Variants in PACS2 observed in about 807,000 individuals in gnomAD.
PACS2 encodes PACS1-like protein.
Under a neutral mutation model 113.0 loss-of-function variants are expected in PACS2, and 36 were observed. That is an observed-to-expected ratio of 0.32 (90% CI 0.24 to 0.42). PACS2 has a LOEUF of 0.42. Among genes scored for constraint, PACS2 ranks in the 10% least tolerant of loss-of-function variants. The pLI is 1.00. For missense variants in PACS2, 1,015 were observed against 1,239.5 expected (o/e 0.82, Z 2.72); for synonymous variants, 589 against 536.1 (o/e 1.10, Z -1.36).
At chr14:105,385,093 C>T in intron 18 of PACS2, 106 bp downstream of exon 18, 1 of 749,536 alleles carries the variant, frequency 1.3e-6, no homozygotes, top group Non-Finnish European at 2.3e-6. Flanking sequence ...CCGCAGAGCC[C>T]TGCACCGGGC....
Position 105,376,974 on chromosome 14 carries a change from C to T in PACS2, c.959+49C>T, listed in dbSNP as rs73361055. 2.3e-3 allele frequency: 3,495 copies of T among 1,532,472 alleles called. 85 individuals carry two copies. The African/African-American group carries it at 0.043, about 19-fold the overall frequency. 94.9% of individuals were successfully genotyped at this position (1,532,472 alleles called of 1,614,324 possible). A position where few individuals can be genotyped will look rare whatever the true frequency, so the allele number is the denominator to read the frequency against. ...GGAGGAACAGCCATTTCAGATGCCCCGGCCACTCTGCGACCACTCTGGCAG... is the reference window on the plus strand; with the variant it reads ...GGAGGAACAGCCATTTCAGATGCCCTGGCCACTCTGCGACCACTCTGGCAG... On this transcript the variant is annotated intron_variant, in intron 9 of 24. Coordinates refer to ENST00000447393, the MANE Select transcript of PACS2 (RefSeq NM_001100913.3). The surrounding 1 kb of genome is among the most constrained non-coding windows in gnomAD (Gnocchi z 4.7).
intron 17 of PACS2, 51 bp from the exon 18 acceptor site, chr14:105,384,828 G>C: frequency 8.0e-7 from 1 of 1,245,262 alleles, no homozygotes; most frequent in Non-Finnish European, 1.2e-6. Flanking sequence ...AGCCCCGCCT[G>C]CAACCCCACC....
chr14:105,331,583 T>G (rs926313915), intron 1 of PACS2, among the ~76,000 whole-genome samples: 1 of 152,220 alleles, frequency 6.6e-6, no homozygotes, highest in Non-Finnish European at 1.5e-5. Flanking sequence ...GTGCCTGGCC[T>G]GAGTTTTATG....
intron 17 of PACS2, 25 bp from the exon 18 acceptor site, chr14:105,384,854 C>T: frequency 4.1e-6 from 6 of 1,459,006 alleles, no homozygotes; most frequent in Non-Finnish European, 5.7e-6. Context: ...CCAGCCTAAC[C>T]CCCCACCGCC....
chr14:105,332,807 C>T (rs1278465725), intron 1 of PACS2, among the ~76,000 whole-genome samples: 1 of 152,188 alleles, frequency 6.6e-6, no homozygotes, highest in East Asian at 1.9e-4. Flanking sequence ...TTACAGACAC[C>T]TTCCTGAAAC....
At chr14:105,327,190 C>T (rs921875859) in intron 1 of PACS2, among the ~76,000 whole-genome samples, 16 of 152,188 alleles carry the variant, frequency 1.1e-4, no homozygotes, top group Non-Finnish European at 1.9e-4. Flanking sequence ...GCTGGGAGGC[C>T]GGCGTGCCTG....
chr14:105,381,202 A>C, intron 12 of PACS2, 103 bp downstream of exon 12: 1 of 985,318 alleles, frequency 1.0e-6, no homozygotes, highest in Non-Finnish European at 1.5e-6. Flanking sequence ...CATCCTGATG[A>C]GCTCCCTCGG....
Position 105,358,807 on chromosome 14 carries a change from CAG to C in PACS2, c.423+3631_423+3632del, listed in dbSNP as rs1244139139. On this transcript the variant is annotated intron_variant, in intron 4 of 24. Transcript: ENST00000447393. This position sits in a 1 kb window ranked among gnomAD's most constrained non-coding sequence, Gnocchi z 4.9. ...CTCATGGTGGGACACAGGAAGACCT[CAG>C]GGTAAGGACAGCGCGGGAGCGTCAC... Among the ~76,000 whole-genome samples the C allele has an allele frequency of 1.3e-5, 2 of 152,190 alleles. No individual in the cohort carries two copies. The highest frequency in any genetic ancestry group is 4.8e-5 in the African/African-American group (2 of 41,442).
intron 1 of PACS2, among the ~76,000 whole-genome samples, chr14:105,326,331 C>G (rs1176798654): frequency 1.3e-5 from 2 of 152,212 alleles, no homozygotes; most frequent in African/African-American, 4.8e-5. Flanking sequence ...TGAGCTCGCT[C>G]CTGGTCAGTT....
At chr14:105,391,299 C>T in intron 21 of PACS2, 50 bp downstream of exon 21, 3 of 1,399,616 alleles carry the variant, frequency 2.1e-6, no homozygotes, top group South Asian at 1.2e-5. Context: ...GGGTGGGCTG[C>T]AGGAGCACGG....
chr14:105,365,939 C>T lies in PACS2; in HGVS notation c.424-1274C>T, dbSNP rs147742860. 2.1e-4 allele frequency among the ~76,000 whole-genome samples: 32 copies of T among 152,352 alleles called. No individual in the cohort carries two copies. Among genetic ancestry groups the T allele is most frequent in the African/African-American group, 7.5e-4 (31 of 41,576 alleles). On this transcript the variant is annotated intron_variant, in intron 4 of 24. Transcript: ENST00000447393. The surrounding 1 kb of genome is among the most constrained non-coding windows in gnomAD (Gnocchi z 5.1). The stretch of plus-strand genomic sequence containing the variant: ...TGGGTGCGAGTGTTGGCAGAAGCTG[C>T]CAGCTGCCCTTCGTCATTTTCTGAA...
rs2059253286 is a variant in PACS2 at position 105,330,202 on chromosome 14, G to A, written c.119+15165G>A. Among the ~76,000 whole-genome samples the A allele has an allele frequency of 7.3e-6, 1 of 137,032 alleles. No individual in the cohort carries two copies. Among genetic ancestry groups the A allele is most frequent in the African/African-American group, 2.8e-5 (1 of 35,826 alleles). 89.9% of individuals were successfully genotyped at this position (137,032 alleles called of 152,430 possible). ...CGGAACGGGGACAGGGAGCCTCCGA[G>A]AAGCCTGGGGTCCGTGTGTGGGACG... On this transcript the variant is annotated intron_variant, in intron 1 of 24. Coordinates refer to ENST00000447393, the MANE Select transcript of PACS2 (RefSeq NM_001100913.3). The surrounding 1 kb of genome is among the most constrained non-coding windows in gnomAD (Gnocchi z 6.9).
At position 105,323,454 on chromosome 14, in the gene PACS2, CT is replaced by C. The variant is rs1023790893; in HGVS notation, c.119+8418del. Reference sequence around the variant, plus strand: ...GACCGCTGCCAGCCTGCACGAGACTCTCACGGCGGGACCCTGTCTGCCTTGC... The same window carrying C: ...GACCGCTGCCAGCCTGCACGAGACTCCACGGCGGGACCCTGTCTGCCTTGC... On this transcript the variant is annotated intron_variant, in intron 1 of 24. Coordinates refer to ENST00000447393, the MANE Select transcript of PACS2 (RefSeq NM_001100913.3). This position sits in a 1 kb window ranked among gnomAD's most constrained non-coding sequence, Gnocchi z 4.1. Among the ~76,000 whole-genome samples the C allele has an allele frequency of 2.6e-5, 4 of 152,236 alleles. No homozygotes were observed. The highest frequency in any genetic ancestry group is 4.4e-5 in the Non-Finnish European group (3 of 68,042).
At position 105,321,374 on chromosome 14, in the gene PACS2, T is replaced by A. The variant is rs1014325642; in HGVS notation, c.119+6337T>A. Among the ~76,000 whole-genome samples, 9 of 152,258 alleles carry A rather than the reference T, an allele frequency of 5.9e-5. 1 individual carries two copies. The East Asian group carries it at 1.5e-3, about 26-fold the overall frequency. On this transcript the variant is annotated intron_variant, in intron 1 of 24. Transcript: ENST00000447393. ...TGTCAGTTTCTGTTTGATACTTTTT[T>A]TTTTTCCAGACAGGATCTCACTCTG...
Position 105,326,269 on chromosome 14 carries a change from G to T in PACS2, c.119+11232G>T, listed in dbSNP as rs1429477039. Among the ~76,000 whole-genome samples the T allele has an allele frequency of 4.6e-5, 7 of 152,360 alleles. No individual in the cohort carries two copies. In the East Asian group the frequency reaches 1.4e-3, roughly 29 times the overall value. Reference sequence around the variant, plus strand: ...GACCCGCACCTGCTTCCTGGTCCTGGACACGGGTGGGGCGGGGGCTCCGCA... The same window carrying T: ...GACCCGCACCTGCTTCCTGGTCCTGTACACGGGTGGGGCGGGGGCTCCGCA... On this transcript the variant is annotated intron_variant, in intron 1 of 24. Coordinates refer to ENST00000447393, the MANE Select transcript of PACS2 (RefSeq NM_001100913.3).
At chr14:105,338,019 A>G (rs919163200) in intron 1 of PACS2, among the ~76,000 whole-genome samples, 1 of 152,190 alleles carries the variant, frequency 6.6e-6, no homozygotes, top group Non-Finnish European at 1.5e-5. Flanking sequence ...CTGTTGGGCC[A>G]TGCTGTCTCT....
intron 3 of PACS2, among the ~76,000 whole-genome samples, chr14:105,352,688 G>A (rs1477410157): frequency 5.9e-5 from 5 of 84,104 alleles, no homozygotes; most frequent in African/African-American, 9.6e-5. Context: ...GACGGGCCCC[G>A]TCATCCCTGT....
rs1555401416 is a variant in PACS2, at chr14:105,340,806, CTTCT to C, written c.120-7686_120-7683del. ...AGGGGCATCTCCTGTCCTGGCTTGGCTTCTGCCCCTGGGTCCGTGGTGGCTGCCT... is the reference window on the plus strand; with the variant it reads ...AGGGGCATCTCCTGTCCTGGCTTGGCGCCCCTGGGTCCGTGGTGGCTGCCT... On this transcript the variant is annotated intron_variant, in intron 1 of 24. Transcript: ENST00000447393. The surrounding 1 kb of genome is among the most constrained non-coding windows in gnomAD (Gnocchi z 4.2). 1.3e-5 allele frequency among the ~76,000 whole-genome samples: 2 copies of C among 152,252 alleles called. No individual in the cohort carries two copies. Among genetic ancestry groups the C allele is most frequent in the Non-Finnish European group, 1.5e-5 (1 of 68,042 alleles).
At position 105,355,762 on chromosome 14, in the gene PACS2, G is replaced by A. The variant is rs2060418512; in HGVS notation, c.423+585G>A. Among the ~76,000 whole-genome samples the A allele has an allele frequency of 6.6e-6, 1 of 152,238 alleles. No individual in the cohort carries two copies. Among genetic ancestry groups the A allele is most frequent in the Non-Finnish European group, 1.5e-5 (1 of 68,036 alleles). On this transcript the variant is annotated intron_variant, in intron 4 of 24. Coordinates refer to ENST00000447393, the MANE Select transcript of PACS2 (RefSeq NM_001100913.3). This position sits in a 1 kb window ranked among gnomAD's most constrained non-coding sequence, Gnocchi z 4.1. ...AAGCAGCAGCCCACCTTGCTCCAGA[G>A]AACCCAGCGTTCCAAGGAGGCTGCA...
Sources: allele counts gnomAD v4.1 joint callset (sites outside exome capture counted in the v4.1 genomes callset), GRCh38; gene constraint gnomAD v4.1.1; non-coding constraint Gnocchi (gnomAD v3.1); transcripts MANE v1.5; gene names NCBI Gene and HGNC (gene_info 2026-07-23, HGNC 2026-07-21).